The following MGAT4C variants were observed in gnomAD, a reference collection of about 807,000 sequenced individuals.
The protein encoded by MGAT4C is alpha-1,3-mannosyl-glycoprotein 4-beta-N-acetylglucosaminyltransferase C.
MGAT4C carries 19 observed loss-of-function variants against 40.1 expected under a neutral mutation model. The ratio of observed to expected loss-of-function variants is 0.47; its 90% CI spans 0.33 to 0.70. MGAT4C has a LOEUF of 0.70. Among genes scored for constraint, MGAT4C ranks in the 30% least tolerant of loss-of-function variants. The pLI is 0.02. For synonymous variants in MGAT4C, 181 were observed against 187.1 expected (o/e 0.97, Z 0.27); for missense variants, 491 against 563.2 (o/e 0.87, Z 1.30).
At chr12:86,249,253 C>A (rs1952166751) in intron 1 of MGAT4C, among the ~76,000 whole-genome samples, 1 of 152,104 alleles carries the variant, frequency 6.6e-6, no homozygotes, top group Non-Finnish European at 1.5e-5. Context: ...AACTCTTTCC[C>A]AAACTCTGGT....
chr12:86,176,982 T>G (rs560014926), intron 1 of MGAT4C, among the ~76,000 whole-genome samples: 1 of 151,462 alleles, frequency 6.6e-6, no homozygotes, highest in Admixed American at 6.6e-5. Flanking sequence ...CTCAAAGAGA[T>G]AAAAGTAAAC....
intron 4 of MGAT4C, among the ~76,000 whole-genome samples, chr12:86,279,349 G>A (rs1953157667): frequency 6.6e-6 from 1 of 152,050 alleles, no homozygotes; most frequent in African/African-American, 2.4e-5. Context: ...TTATTGGTCT[G>A]TTCCGGTTTT....
intron 1 of MGAT4C, among the ~76,000 whole-genome samples, chr12:86,766,710 A>T (rs944009242): frequency 6.6e-6 from 1 of 152,138 alleles, no homozygotes; most frequent in Middle Eastern, 3.2e-3. Context: ...CAAGATTAAG[A>T]AACTCACTCA....
intron 2 of MGAT4C, among the ~76,000 whole-genome samples, chr12:86,653,032 T>C (rs1474278755): frequency 6.6e-6 from 1 of 151,966 alleles, no homozygotes. Flanking sequence ...CTTTCAACAT[T>C]ATTAAACTAA....
chr12:86,255,340 TC>T (rs1952472527), intron 1 of MGAT4C, among the ~76,000 whole-genome samples: 1 of 152,114 alleles, frequency 6.6e-6, no homozygotes, highest in African/African-American at 2.4e-5. Context: ...TCATTTGTTA[TC>T]ATGTGAACAT....
rs61949614 is a variant in MGAT4C at position 86,831,792 on chromosome 12, T to G, written c.-262+6874A>C. Among the ~76,000 whole-genome samples, 663 of 151,978 alleles carry G rather than the reference T, an allele frequency of 4.4e-3. 1 individual carries two copies. Among genetic ancestry groups the G allele is most frequent in the Non-Finnish European group, 7.0e-3 (478 of 67,878 alleles). ...TCTACATAGGCACAAGCATATATTT[T>G]ACTTGCATGATAGATATTATAATTA... On this transcript the variant is annotated intron_variant, in intron 1 of 7. Transcript: ENST00000548651.
chr12:86,742,879 T>C (rs2136131968), intron 1 of MGAT4C, among the ~76,000 whole-genome samples: 1 of 151,792 alleles, frequency 6.6e-6, no homozygotes. Flanking sequence ...TGATTTGTTA[T>C]TCCCAAACTA....
rs113357538 is a variant in MGAT4C, at chr12:86,385,347, C to T, written c.-120+49810G>A. Among the ~76,000 whole-genome samples, 847 of 152,228 alleles carry T rather than the reference C, an allele frequency of 5.6e-3. 5 individuals carry two copies. The highest frequency in any genetic ancestry group is 0.02 in the African/African-American group (816 of 41,534). On this transcript the variant is annotated intron_variant, in intron 3 of 7. Transcript: ENST00000548651. ...AGGATAAATCCTATTCCTCTTAGCT[C>T]TTAAATTGTAGCTTTCAAATCTACG...
chr12:85,959,718 T>A lies in MGAT4C; in HGVS notation c.*19571A>T, dbSNP rs1438438637. 3.3e-5 allele frequency: 5 copies of A among 151,776 alleles called. No individual in the cohort carries two copies. The highest frequency in any genetic ancestry group is 3.9e-4 in the East Asian group (2 of 5,188). 9.4% of individuals were successfully genotyped at this position (151,776 alleles called of 1,614,324 possible). A position where few individuals can be genotyped will look rare whatever the true frequency, so the allele number is the denominator to read the frequency against. On this transcript the variant is annotated 3_prime_UTR_variant, in exon 5 of 5. Transcript: ENST00000611864. ...CACTTTTTTCTGCTTTTTTTTTTTTTTTATTTTCTGCTTGCTGAAATCGAG... is the reference window on the plus strand; with the variant it reads ...CACTTTTTTCTGCTTTTTTTTTTTTATTATTTTCTGCTTGCTGAAATCGAG...
intron 1 of MGAT4C, among the ~76,000 whole-genome samples, chr12:86,086,290 C>T (rs1256485785): frequency 1.3e-5 from 2 of 151,974 alleles, no homozygotes; most frequent in Non-Finnish European, 2.9e-5. Flanking sequence ...AACACAGGAA[C>T]AGAAAACCAA....
intron 2 of MGAT4C, among the ~76,000 whole-genome samples, chr12:86,651,421 T>G (rs1963693936): frequency 6.6e-6 from 1 of 151,872 alleles, no homozygotes; most frequent in South Asian, 2.1e-4. Flanking sequence ...TTAGAAGTTT[T>G]GTCATTAATG....
chr12:86,351,940 G>C (rs1455355192), intron 3 of MGAT4C, among the ~76,000 whole-genome samples: 1 of 151,984 alleles, frequency 6.6e-6, no homozygotes, highest in Non-Finnish European at 1.5e-5. Context: ...AGGATAGTTG[G>C]ATTGCTGTGA....
At chr12:86,502,679 G>T (rs190521492) in intron 2 of MGAT4C, among the ~76,000 whole-genome samples, 20 of 144,944 alleles carry the variant, frequency 1.4e-4, no homozygotes, top group South Asian at 2.2e-4. Flanking sequence ...ATATACACGA[G>T]TTCTGCTCAT....
intron 1 of MGAT4C, among the ~76,000 whole-genome samples, chr12:86,792,541 C>T (rs117629646): frequency 1.6e-3 from 240 of 152,024 alleles, no homozygotes; most frequent in Non-Finnish European, 2.6e-3. Context: ...ATCTGGAATT[C>T]GAGTCATTGA....
At chr12:86,138,398 G>A (rs1223807202) in intron 1 of MGAT4C, among the ~76,000 whole-genome samples, 2 of 149,374 alleles carry the variant, frequency 1.3e-5, no homozygotes, top group African/African-American at 2.5e-5. Context: ...TGGATATCAG[G>A]CAACTCAAAC....
At chr12:86,226,858 G>C (rs138642456) in intron 1 of MGAT4C, among the ~76,000 whole-genome samples, 2 of 151,690 alleles carry the variant, frequency 1.3e-5, no homozygotes, top group Non-Finnish European at 2.9e-5. Flanking sequence ...AATGTTTCTC[G>C]AAAAAGAACT....
chr12:86,277,304 A>G (rs1287622333), intron 4 of MGAT4C, among the ~76,000 whole-genome samples: 1 of 152,118 alleles, frequency 6.6e-6, no homozygotes, highest in African/African-American at 2.4e-5. Flanking sequence ...CCATTGTCAG[A>G]TGAATACTTT....
intron 2 of MGAT4C, among the ~76,000 whole-genome samples, chr12:86,519,978 A>T (rs560192395): frequency 6.6e-6 from 1 of 152,212 alleles, no homozygotes; most frequent in African/African-American, 2.4e-5. Flanking sequence ...TGTGCAGATC[A>T]ATGTCCTGGG....
chr12:86,804,429 A>T (rs991265109), intron 1 of MGAT4C, among the ~76,000 whole-genome samples: 18 of 150,610 alleles, frequency 1.2e-4, no homozygotes, highest in African/African-American at 1.5e-4. Flanking sequence ...AAAAATAAAA[A>T]AATAAAATAA....
Sources: gnomAD v4.1 joint callset for allele counts (sites outside exome capture counted in the v4.1 genomes callset) on GRCh38, gnomAD v4.1.1 for gene constraint, MANE v1.5 for transcripts, NCBI Gene and HGNC (gene_info 2026-07-23, HGNC 2026-07-21) for gene names.